The following CACNG5 variants were observed in gnomAD, a reference collection of about 807,000 sequenced individuals.
CACNG5 encodes calcium voltage-gated channel auxiliary subunit gamma 5.
Under a neutral mutation model 24.8 loss-of-function variants are expected in CACNG5, and 18 were observed. The observed-to-expected ratio is 0.73, with a 90% CI of 0.50 to 1.08. CACNG5 has a LOEUF of 1.08. Ranked by LOEUF, CACNG5 falls within the 50% of genes least tolerant of loss-of-function variation. The pLI, the probability that CACNG5 is intolerant of heterozygous loss-of-function variation, is 0.00. For synonymous variants in CACNG5, 157 were observed against 149.1 expected (o/e 1.05, Z -0.39); for missense variants, 349 against 367.9 (o/e 0.95, Z 0.42).
chr17:66,843,735 C>T (rs1160331255), intron 1 of CACNG5, among the ~76,000 whole-genome samples: 1 of 152,054 alleles, frequency 6.6e-6, no homozygotes, highest in Non-Finnish European at 1.5e-5. Context: ...AGGCAGCTGG[C>T]ATAGTAGTGA....
At chr17:66,841,665 G>A (rs554123667) in intron 1 of CACNG5, among the ~76,000 whole-genome samples, 8 of 152,174 alleles carry the variant, frequency 5.3e-5, no homozygotes, top group Non-Finnish European at 1.2e-4. Context: ...CTTCAGGATG[G>A]GCAACAGGAG....
intron 1 of CACNG5, among the ~76,000 whole-genome samples, chr17:66,846,519 A>ATT (rs1976639628): frequency 2.0e-5 from 3 of 152,172 alleles, no homozygotes; most frequent in African/African-American, 7.2e-5. Context: ...CTTTCACTTC[A>ATT]CATAATGTTT....
rs374049579 is a variant in CACNG5, at chr17:66,885,250, G to A, written c.*10G>A. 270 of 1,565,612 alleles carry A rather than the reference G, an allele frequency of 1.7e-4. No individual in the cohort carries two copies. Among genetic ancestry groups the A allele is most frequent in the South Asian group, 4.5e-4 (38 of 84,152 alleles). Reference sequence around the variant, plus strand: ...CTCTTCACCCTGCTGAGCCTCGGCCGCCCCCATCCCTGGACTGTGGGTGGC... The same window carrying A: ...CTCTTCACCCTGCTGAGCCTCGGCCACCCCCATCCCTGGACTGTGGGTGGC... On this transcript the variant is annotated 3_prime_UTR_variant, in exon 6 of 6. Transcript: ENST00000533854.
chr17:66,854,380 C>A (rs577568569), intron 1 of CACNG5, among the ~76,000 whole-genome samples: 2 of 148,808 alleles, frequency 1.3e-5, no homozygotes, highest in East Asian at 2.0e-4. Context: ...GAGCCGAGAT[C>A]GCGCCACTGC....
intron 1 of CACNG5, among the ~76,000 whole-genome samples, chr17:66,862,099 G>T (rs1462622033): frequency 6.6e-6 from 1 of 152,182 alleles, no homozygotes; most frequent in Non-Finnish European, 1.5e-5. Context: ...CAGAGAGTTG[G>T]GTTGTATCTG....
At chr17:66,841,301 T>C (rs1017789832) in intron 1 of CACNG5, among the ~76,000 whole-genome samples, 4 of 152,206 alleles carry the variant, frequency 2.6e-5, no homozygotes, top group African/African-American at 7.2e-5. Flanking sequence ...CAATCAGATA[T>C]GCATCTATCT....
rs77558512 is a variant in CACNG5, at chr17:66,845,899, G to A, written c.-104+10649G>A. 8.7e-3 allele frequency among the ~76,000 whole-genome samples: 1,319 copies of A among 152,248 alleles called. 20 individuals are homozygous for A. The highest frequency in any genetic ancestry group is 0.03 in the African/African-American group (1,261 of 41,526). On this transcript the variant is annotated intron_variant, in intron 1 of 5. Coordinates refer to ENST00000533854, the MANE Select transcript of CACNG5 (RefSeq NM_145811.3). ...CTCCATCCACTCTGGGAGGCAGGGA[G>A]CCACCTGACCCACAATGTGCAGTTG... is the stretch of plus-strand genomic sequence containing the variant.
intron 1 of CACNG5, among the ~76,000 whole-genome samples, chr17:66,836,099 C>A (rs549491146): frequency 1.3e-5 from 2 of 152,324 alleles, no homozygotes; most frequent in East Asian, 3.9e-4. Flanking sequence ...TGACTAGCTT[C>A]TCCAGGGCTG....
chr17:66,850,140 C>G (rs905942201), intron 1 of CACNG5, among the ~76,000 whole-genome samples: 1 of 152,210 alleles, frequency 6.6e-6, no homozygotes, highest in African/African-American at 2.4e-5. Context: ...GTACTCCACC[C>G]CAGCCTGTCT....
Position 66,885,436 on chromosome 17 carries a change from G to A in CACNG5, c.*196G>A. ...CCCAGCATGGGTGTGGGAGTCTGGAGTCTGTGGGCAAGCTGATTGTCTGGG... is the reference window on the plus strand; with the variant it reads ...CCCAGCATGGGTGTGGGAGTCTGGAATCTGTGGGCAAGCTGATTGTCTGGG... On this transcript the variant is annotated 3_prime_UTR_variant, in exon 6 of 6. Coordinates refer to ENST00000533854, the MANE Select transcript of CACNG5 (RefSeq NM_145811.3). 1.6e-6 allele frequency: 1 copy of A among 622,524 alleles called. No individual in the cohort carries two copies. The highest frequency in any genetic ancestry group is 2.8e-5 in the East Asian group (1 of 35,408). 38.6% of individuals were successfully genotyped at this position (622,524 alleles called of 1,614,324 possible).
At chr17:66,872,460 T>C (rs577280761) in intron 1 of CACNG5, among the ~76,000 whole-genome samples, 17 of 152,248 alleles carry the variant, frequency 1.1e-4, no homozygotes, top group African/African-American at 4.1e-4. Flanking sequence ...TGTACACACA[T>C]GCACAACTAC....
intron 1 of CACNG5, among the ~76,000 whole-genome samples, chr17:66,845,990 G>T (rs1009204605): frequency 6.6e-6 from 1 of 152,160 alleles, no homozygotes; most frequent in Non-Finnish European, 1.5e-5. Flanking sequence ...GTGAAAGGGC[G>T]TGGCCAACAG....
chr17:66,867,226 T>C (rs1231870182), intron 1 of CACNG5, among the ~76,000 whole-genome samples: 2 of 152,210 alleles, frequency 1.3e-5, no homozygotes, highest in Non-Finnish European at 2.9e-5. Flanking sequence ...ATCAGTGATG[T>C]TGAGTTTTTT....
At chr17:66,861,287 T>C (rs945486295) in intron 1 of CACNG5, among the ~76,000 whole-genome samples, 1 of 152,248 alleles carries the variant, frequency 6.6e-6, no homozygotes, top group Non-Finnish European at 1.5e-5. Flanking sequence ...AAAAGGTTAA[T>C]GTAACACATT....
intron 1 of CACNG5, among the ~76,000 whole-genome samples, chr17:66,858,618 G>C (rs534019909): frequency 6.6e-6 from 1 of 152,204 alleles, no homozygotes; most frequent in South Asian, 2.1e-4. Context: ...TTCCAGACCA[G>C]TGCTCTCCGA....
At chr17:66,860,420 C>T (rs1023707445) in intron 1 of CACNG5, among the ~76,000 whole-genome samples, 9 of 152,176 alleles carry the variant, frequency 5.9e-5, no homozygotes, top group African/African-American at 2.2e-4. Context: ...CACAAGGGAA[C>T]TCCCCTGTAA....
intron 1 of CACNG5, among the ~76,000 whole-genome samples, chr17:66,865,796 A>ATTT (rs35187215): frequency 3.1e-5 from 4 of 129,842 alleles, no homozygotes; most frequent in East Asian, 2.3e-4. Flanking sequence ...TGCACGGCTA[A>ATTT]TTTTTTTTTT....
intron 1 of CACNG5, among the ~76,000 whole-genome samples, chr17:66,869,184 A>G (rs1318336439): frequency 6.6e-6 from 1 of 151,988 alleles, no homozygotes; most frequent in Non-Finnish European, 1.5e-5. Context: ...CCCAGGTTCT[A>G]GTGATTCTTG....
chr17:66,864,974 C>G (rs1976910437), intron 1 of CACNG5, among the ~76,000 whole-genome samples: 1 of 152,118 alleles, frequency 6.6e-6, no homozygotes. Flanking sequence ...GTTGCCCAGG[C>G]TAGTCTTGAA....
Sources: gnomAD v4.1 joint callset for allele counts (sites outside exome capture counted in the v4.1 genomes callset) on GRCh38, gnomAD v4.1.1 for gene constraint, MANE v1.5 for transcripts, NCBI Gene and HGNC (gene_info 2026-07-23, HGNC 2026-07-21) for gene names.